RIC8B: variants seen among roughly 807,000 people sequenced by gnomAD.
RIC8B encodes chaperone Ric-8B.
Under a neutral mutation model 57.5 loss-of-function variants are expected in RIC8B, and 16 were observed. That is an observed-to-expected ratio of 0.28 (90% CI 0.19 to 0.42). The LOEUF is 0.42. RIC8B is among the 10% of genes least tolerant of loss of function. The probability of loss-of-function intolerance (pLI) is 1.00; values close to 1 mark genes in which losing one functional copy is unlikely to be tolerated. For missense variants in RIC8B, 481 were observed against 677.0 expected (o/e 0.71, Z 3.21); for synonymous variants, 216 against 250.8 (o/e 0.86, Z 1.31).
chr12:106,791,389 G>A (rs2044253067), intron 2 of RIC8B, among the ~76,000 whole-genome samples: 1 of 152,102 alleles, frequency 6.6e-6, no homozygotes, highest in Non-Finnish European at 1.5e-5. Context: ...TGTTACAATA[G>A]TGTGATTGGA....
intron 2 of RIC8B, among the ~76,000 whole-genome samples, chr12:106,813,188 T>C (rs950684119): frequency 2.7e-4 from 16 of 59,302 alleles, no homozygotes; most frequent in Admixed American, 2.1e-3. Flanking sequence ...ATACTATGCC[T>C]TTTTTTTTTT....
intron 9 of RIC8B, chr12:106,873,001 A>G: frequency 1.0e-6 from 1 of 985,010 alleles, no homozygotes; most frequent in Non-Finnish European, 1.2e-6. Context: ...CAGAAAACAA[A>G]GGTGCTAGGT....
chr12:106,841,943 A>G (rs1948968473), intron 4 of RIC8B, among the ~76,000 whole-genome samples: 1 of 152,212 alleles, frequency 6.6e-6, no homozygotes, highest in Non-Finnish European at 1.5e-5. Context: ...ATTCATTAAT[A>G]CACAGCTGAA....
intron 9 of RIC8B, among the ~76,000 whole-genome samples, chr12:106,874,283 C>A (rs1950571653): frequency 6.6e-6 from 1 of 152,222 alleles, no homozygotes; most frequent in South Asian, 2.1e-4. Flanking sequence ...CCCTCCCTTT[C>A]ACTCTAGGAC....
intron 2 of RIC8B, among the ~76,000 whole-genome samples, chr12:106,797,147 G>T (rs1357638286): frequency 6.6e-6 from 1 of 152,160 alleles, no homozygotes; most frequent in Non-Finnish European, 1.5e-5. Context: ...CCCAGCAGTT[G>T]TACTCCTGGG....
chr12:106,853,505 G>A (rs536106370), intron 7 of RIC8B, among the ~76,000 whole-genome samples: 6 of 104,362 alleles, frequency 5.7e-5, no homozygotes, highest in African/African-American at 1.2e-4. Flanking sequence ...GTCTCACTCC[G>A]TCGCCCAGGC....
At chr12:106,859,718 A>G (rs1198874510) in intron 7 of RIC8B, among the ~76,000 whole-genome samples, 2 of 152,116 alleles carry the variant, frequency 1.3e-5, no homozygotes, top group Non-Finnish European at 2.9e-5. Flanking sequence ...AATGGGCTTC[A>G]TGTGCTTATA....
chr12:106,783,332 CAG>C (rs2043850860), intron 1 of RIC8B, among the ~76,000 whole-genome samples: 2 of 152,144 alleles, frequency 1.3e-5, no homozygotes, highest in South Asian at 4.1e-4. Context: ...AACTCAGTTC[CAG>C]AGAGTTTACT....
rs1314965884 is a variant in RIC8B at position 106,860,330 on chromosome 12, C to T, written c.1369C>T (p.Leu457Phe). 6.2e-7 allele frequency: 1 copy of T among 1,608,744 alleles called. No individual in the cohort carries two copies. The highest frequency in any genetic ancestry group is 8.5e-7 in the Non-Finnish European group (1 of 1,177,348). The change falls in exon 8 of 10, where the codon CTC (leucine) becomes TTC (phenylalanine). Residue 457 changes from leucine (L) to phenylalanine (F), a missense_variant. Leu to Phe is a conservative substitution (Grantham distance 22, BLOSUM62 0). Coordinates refer to ENST00000392837, the MANE Select transcript of RIC8B (RefSeq NM_001330145.2). ...NAAGLLAARGLLAGGRGDNWY... is the reference protein window; with the variant it reads ...NAAGLLAARGFLAGGRGDNWY... Reference sequence around the variant, plus strand: ...TGCAGGACTGTTGGCGGCCAGGGGCCTCTTGGCTGGAGGAAGAGGAGATAA... The same window carrying T: ...TGCAGGACTGTTGGCGGCCAGGGGCTTCTTGGCTGGAGGAAGAGGAGATAA...
chr12:106,880,531 T>C (rs1233334235), intron 9 of RIC8B, among the ~76,000 whole-genome samples: 1 of 152,110 alleles, frequency 6.6e-6, no homozygotes, highest in Non-Finnish European at 1.5e-5. Context: ...GACTAGAATC[T>C]AGGTCTTCTG....
At chr12:106,826,629 G>GCCTGTAAT (rs1401127265) in intron 4 of RIC8B, among the ~76,000 whole-genome samples, 1 of 152,142 alleles carries the variant, frequency 6.6e-6, no homozygotes, top group Non-Finnish European at 1.5e-5. Context: ...GGTGGCACAT[G>GCCTGTAAT]CCTGTAATCC....
At chr12:106,854,702 TCA>T (rs1223620691) in intron 7 of RIC8B, among the ~76,000 whole-genome samples, 1 of 151,882 alleles carries the variant, frequency 6.6e-6, no homozygotes, top group African/African-American at 2.4e-5. Flanking sequence ...GAGGGGAGAA[TCA>T]CTTGAACCCG....
intron 7 of RIC8B, among the ~76,000 whole-genome samples, chr12:106,858,414 G>C (rs1405660500): frequency 6.6e-6 from 1 of 152,092 alleles, no homozygotes; most frequent in Non-Finnish European, 1.5e-5. Context: ...TTTGCCTTCA[G>C]TCGCTTTGTG....
At chr12:106,871,483 AAAAAAAAAAAAAAAACC>A (rs1195618619) in intron 9 of RIC8B, 4 of 141,368 alleles carry the variant, frequency 2.8e-5, no homozygotes, top group Non-Finnish European at 4.6e-5. Flanking sequence ...AAAAAAAAAA[AAAAAAAAAAAAAAAACC>A]AAAAAACTCC....
In RIC8B at chr12:106,808,681, G is replaced by A. The variant is rs562584487; in HGVS notation, c.133-6015G>A. ...CAACATGATCTAGCAACAAGGAGCT[G>A]GTGAATTGGCACTAATCAATGGACA... On this transcript the variant is annotated intron_variant, in intron 2 of 9. Coordinates refer to ENST00000392837, the MANE Select transcript of RIC8B (RefSeq NM_001330145.2). 2.4e-4 allele frequency among the ~76,000 whole-genome samples: 36 copies of A among 152,262 alleles called. 1 individual carries two copies. In the South Asian group the frequency reaches 7.3e-3, roughly 31 times the overall value.
At chr12:106,885,134 A>G (rs1410312939) in intron 9 of RIC8B, among the ~76,000 whole-genome samples, 1 of 152,192 alleles carries the variant, frequency 6.6e-6, no homozygotes, top group East Asian at 1.9e-4. Context: ...AATCTTTCCT[A>G]ATGCTTTTTG....
intron 4 of RIC8B, among the ~76,000 whole-genome samples, chr12:106,830,437 C>T (rs551861114): frequency 1.6e-4 from 25 of 152,250 alleles, no homozygotes; most frequent in African/African-American, 5.1e-4. Flanking sequence ...ACTCGCTAAT[C>T]AATAGATAAG....
chr12:106,802,702 G>A (rs2044791410), intron 2 of RIC8B, among the ~76,000 whole-genome samples: 1 of 151,896 alleles, frequency 6.6e-6, no homozygotes, highest in African/African-American at 2.4e-5. Flanking sequence ...TAGTTCTTGT[G>A]TATCACTAGA....
chr12:106,868,201 T>G (rs562234724), intron 8 of RIC8B: 87 of 438,928 alleles, frequency 2.0e-4, no homozygotes, highest in Admixed American at 5.8e-4. Context: ...CTTACCAGTG[T>G]GTCCTCCTGA....
Sources: allele counts gnomAD v4.1 joint callset (sites outside exome capture counted in the v4.1 genomes callset), GRCh38; gene constraint gnomAD v4.1.1; transcripts MANE v1.5; gene names NCBI Gene and HGNC (gene_info 2026-07-23, HGNC 2026-07-21).